Variants in GLI2 observed in about 807,000 individuals in gnomAD.
GLI2 encodes GLI family zinc finger 2, also known as transcription activator GLI2.
Under a neutral mutation model 78.9 loss-of-function variants are expected in GLI2, and 22 were observed. That is an observed-to-expected ratio of 0.28 (90% confidence interval 0.20 to 0.40). GLI2 has a LOEUF of 0.40. Ranked by LOEUF, GLI2 falls within the 10% of genes least tolerant of loss-of-function variation. The pLI, the probability that GLI2 is intolerant of heterozygous loss-of-function variation, is 1.00. For synonymous variants in GLI2, 974 were observed against 963.7 expected (o/e 1.01, Z -0.20); for missense variants, 2,097 against 2,213.2 (o/e 0.95, Z 1.05).
chr2:120,919,746 G>A (rs1679276322), intron 2 of GLI2, among the ~76,000 whole-genome samples: 1 of 152,270 alleles, frequency 6.6e-6, no homozygotes, highest in Non-Finnish European at 1.5e-5. Flanking sequence ...AAGGGGCTGA[G>A]GGCCCTGGTG....
chr2:120,871,465 G>A (rs1478137268), intron 2 of GLI2, among the ~76,000 whole-genome samples: 1 of 152,178 alleles, frequency 6.6e-6, no homozygotes, highest in Admixed American at 6.6e-5. Flanking sequence ...TCGTCCCCTC[G>A]CCACTCTGTC....
At position 120,972,063 on chromosome 2, in the gene GLI2, G is replaced by T; in HGVS notation, c.1182G>T (p.Gln394His). The T allele has an allele frequency of 6.2e-7, 1 of 1,613,012 alleles. No individual in the cohort carries two copies. Among genetic ancestry groups the T allele is most frequent in the Non-Finnish European group, 8.5e-7 (1 of 1,179,878 alleles). The change falls in exon 8 of 14, where the codon CAG (glutamine) becomes CAT (histidine). Residue 394 changes from glutamine (Q) to histidine (H), a missense_variant and splice_region_variant. Around this residue, in one of 5 missense-constraint regions of GLI2, gnomAD observed 578 missense variants for 612.0 expected, o/e 0.94. Transcript: ENST00000361492. Reference protein sequence around the residue: ...LRPASPLALTQEQLADLKEDL... With the variant: ...LRPASPLALTHEQLADLKEDL... ...CGGCCTCCCCTCTGGCGCTGACGCAGGTAACCTGCTGCCAGCCGCACCACC... is the reference window on the plus strand; with the variant it reads ...CGGCCTCCCCTCTGGCGCTGACGCATGTAACCTGCTGCCAGCCGCACCACC...
chr2:120,976,788 C>T (rs1008499928), intron 9 of GLI2, among the ~76,000 whole-genome samples: 60 of 152,170 alleles, frequency 3.9e-4, no homozygotes, highest in Non-Finnish European at 7.8e-4. Context: ...TCCACCAGGC[C>T]CTGGAAAAAG....
chr2:120,968,869 T>A lies in GLI2; in HGVS notation c.799T>A (p.Ser267Thr). The part of the protein sequence containing the change: ...VAYINNSRSS[S>T]AASGSYGHLS... Reference sequence around the variant, plus strand: ...CTACATCAACAACTCCCGAAGCAGCTCGGCGGCCAGCGGTTCCTACGGGCA... The same window carrying A: ...CTACATCAACAACTCCCGAAGCAGCACGGCGGCCAGCGGTTCCTACGGGCA... Residue 267 changes from serine (S) to threonine (T), a missense_variant, in exon 6 of 14, where the codon TCG becomes ACG. Physicochemically the swap from Ser to Thr is moderately conservative, Grantham distance 58. Transcript: ENST00000361492. 1 of 1,613,604 alleles carries A rather than the reference T, an allele frequency of 6.2e-7. No individual in the cohort carries two copies. The highest frequency in any genetic ancestry group is 8.5e-7 in the Non-Finnish European group (1 of 1,179,968).
chr2:120,864,973 T>A (rs1255635989), intron 2 of GLI2, among the ~76,000 whole-genome samples: 1 of 152,210 alleles, frequency 6.6e-6, no homozygotes, highest in Admixed American at 6.5e-5. Context: ...GGGCATTCAC[T>A]GTTGGGGTCC....
In GLI2 at chr2:120,784,682, A is replaced by C. The variant is rs1269925293; in HGVS notation, c.-30-12609A>C. ...TTGCCCTGCCTCCTGCTCGCCCCCC[A>C]GACACAGCCTCCATCTGCTGTGGTC... On this transcript the variant is annotated intron_variant, in intron 1 of 13. Transcript: ENST00000361492. Among the ~76,000 whole-genome samples, 5 of 152,010 alleles carry C rather than the reference A, an allele frequency of 3.3e-5. No homozygotes were observed. The East Asian group carries it at 9.7e-4, about 29-fold the overall frequency.
chr2:120,896,218 C>A (rs1019422419), intron 2 of GLI2, among the ~76,000 whole-genome samples: 1 of 152,072 alleles, frequency 6.6e-6, no homozygotes, highest in Non-Finnish European at 1.5e-5. Flanking sequence ...TCCCTTCTTT[C>A]CCCCACCCTC....
intron 2 of GLI2, among the ~76,000 whole-genome samples, chr2:120,868,569 C>T (rs1357513684): frequency 6.6e-6 from 1 of 152,196 alleles, no homozygotes; most frequent in Non-Finnish European, 1.5e-5. Flanking sequence ...GCAGCTGGCC[C>T]CCTCCCTCCT....
At chr2:120,886,447 TG>T (rs1487608126) in intron 2 of GLI2, among the ~76,000 whole-genome samples, 2 of 152,046 alleles carry the variant, frequency 1.3e-5, no homozygotes, top group Admixed American at 6.6e-5. Context: ...TTAAATTTTT[TG>T]TAGAGAAGAG....
At chr2:120,948,695 A>G (rs933875892) in intron 3 of GLI2, among the ~76,000 whole-genome samples, 1 of 151,958 alleles carries the variant, frequency 6.6e-6, no homozygotes, top group Non-Finnish European at 1.5e-5. Context: ...TGAAATCCCC[A>G]CGTGATCAAT....
intron 2 of GLI2, among the ~76,000 whole-genome samples, chr2:120,851,261 G>A (rs1261249764): frequency 6.6e-6 from 1 of 152,236 alleles, no homozygotes; most frequent in Admixed American, 6.5e-5. Context: ...GTGTTCCTGG[G>A]ACCATGGGCT....
intron 2 of GLI2, among the ~76,000 whole-genome samples, chr2:120,904,463 G>A (rs1678417624): frequency 6.6e-6 from 1 of 152,068 alleles, no homozygotes; most frequent in African/African-American, 2.4e-5. Context: ...ACGAGCTCTG[G>A]GTTTTGGTTT....
intron 2 of GLI2, among the ~76,000 whole-genome samples, chr2:120,826,874 G>C (rs1686089813): frequency 6.6e-6 from 1 of 152,158 alleles, no homozygotes; most frequent in Non-Finnish European, 1.5e-5. Flanking sequence ...CGCTTCCTCT[G>C]TCTCCCCTTC....
At position 120,988,586 on chromosome 2, in the gene GLI2, C is replaced by T. The variant is rs1362244568; in HGVS notation, c.2621C>T (p.Ala874Val). 2 of 1,490,964 alleles carry T rather than the reference C, an allele frequency of 1.3e-6. No homozygotes were observed. The allele number at this position is 1,490,964 out of a possible 1,614,324, so 92.4% of individuals were successfully genotyped here. ...LTPAQQYSLRAKYAAATGGPP... is the reference protein window; with the variant it reads ...LTPAQQYSLRVKYAAATGGPP... ...CCGGCGCAGCAGTACAGCCTGCGGG[C>T]CAAGTACGCGGCAGCCACTGGCGGC... Residue 874 changes from alanine to valine, a missense_variant, in exon 14 of 14, where the codon GCC becomes GTC. Coordinates refer to ENST00000361492, the MANE Select transcript of GLI2 (RefSeq NM_001374353.1).
At chr2:120,815,049 C>G (rs1685430283) in intron 2 of GLI2, among the ~76,000 whole-genome samples, 1 of 152,134 alleles carries the variant, frequency 6.6e-6, no homozygotes, top group Non-Finnish European at 1.5e-5. Context: ...GTTCTCCCAG[C>G]TAAGCCTTTT....
intron 2 of GLI2, among the ~76,000 whole-genome samples, chr2:120,905,933 G>A (rs1239335433): frequency 3.6e-5 from 5 of 139,550 alleles, no homozygotes; most frequent in African/African-American, 1.4e-4. Context: ...AGCTTATCCC[G>A]TCCCCTGCCC....
chr2:120,818,641 T>A (rs771994850), intron 2 of GLI2, among the ~76,000 whole-genome samples: 3 of 152,058 alleles, frequency 2.0e-5, no homozygotes, highest in Non-Finnish European at 4.4e-5. Flanking sequence ...ATATTCCGAG[T>A]GAGTCTGGGC....
intron 2 of GLI2, among the ~76,000 whole-genome samples, chr2:120,869,599 TAGC>T (rs1218971481): frequency 6.6e-6 from 1 of 152,210 alleles, no homozygotes; most frequent in Non-Finnish European, 1.5e-5. Flanking sequence ...AGTAAACTGA[TAGC>T]AGTTGCAAAA....
At chr2:120,938,868 G>A (rs1208535145) in intron 3 of GLI2, among the ~76,000 whole-genome samples, 2 of 152,160 alleles carry the variant, frequency 1.3e-5, no homozygotes, top group African/African-American at 4.8e-5. Context: ...CGCCAGCCCT[G>A]TAGCCGTCCT....
Sources: allele counts gnomAD v4.1 joint callset (sites outside exome capture counted in the v4.1 genomes callset), GRCh38; gene constraint gnomAD v4.1.1; regional missense constraint gnomAD v4.1.1; transcripts MANE v1.5; gene names NCBI Gene and HGNC (gene_info 2026-07-23, HGNC 2026-07-21).